Variants in BCL7C observed in about 807,000 individuals in gnomAD.
BCL7C encodes BAF chromatin remodeling complex subunit BCL7C.
Under a neutral mutation model 26.2 loss-of-function variants are expected in BCL7C, and 8 were observed. The observed-to-expected ratio is 0.30, with a 90% CI of 0.18 to 0.55. The LOEUF is 0.55. Ranked by LOEUF, BCL7C falls within the 20% of genes least tolerant of loss-of-function variation. The pLI, the probability that BCL7C is intolerant of heterozygous loss-of-function variation, is 0.93. For missense variants in BCL7C, 262 were observed against 298.5 expected, an observed-to-expected ratio of 0.88 and a Z score of 0.90; for synonymous variants, 90 against 116.5, an observed-to-expected ratio of 0.77 and a Z score of 1.47.
rs772850539 is a variant in BCL7C at position 30,835,101 on chromosome 16, C to T, written c.576G>A (p.Leu192=). The change falls in exon 6 of 6, where the codon CTG becomes CTA. Residue 192 remains leucine, a synonymous_variant. Transcript: ENST00000380317. Reference sequence around the variant, plus strand: ...GGAGCCTCCTGAGGGGCTCTGTCTTCAGCCCCTTCTCGTGAAGGGCTCTCC... The same window carrying T: ...GGAGCCTCCTGAGGGGCTCTGTCTTTAGCCCCTTCTCGTGAAGGGCTCTCC... 4.5e-6 allele frequency: 7 copies of T among 1,538,842 alleles called. No homozygotes were observed. In the African/African-American group the frequency reaches 6.9e-5, roughly 15 times the overall value.
intron 5 of BCL7C, among the ~76,000 whole-genome samples, chr16:30,855,549 T>G (rs115629220): frequency 0.02 from 2,984 of 152,210 alleles, 89 homozygotes; most frequent in African/African-American, 0.064. Context: ...GGCCCTGCCC[T>G]TCTCAAATTT....
At chr16:30,889,069 G>A in intron 4 of BCL7C, 124 bp from the exon 5 acceptor site, 1 of 891,962 alleles carries the variant, frequency 1.1e-6, no homozygotes, top group South Asian at 1.5e-5. Context: ...GAGCAGAGAG[G>A]AGAGAGCAGG....
At chr16:30,855,014 C>T (rs1170164245) in intron 5 of BCL7C, among the ~76,000 whole-genome samples, 3 of 151,978 alleles carry the variant, frequency 2.0e-5, no homozygotes, top group East Asian at 2.0e-4. Flanking sequence ...CTCACTTTTA[C>T]GTTATGTAAT....
Position 30,834,771 on chromosome 16 carries a change from G to T in BCL7C, c.*177C>A. 1.7e-6 allele frequency: 1 copy of T among 597,282 alleles called. No individual in the cohort carries two copies. 37.0% of individuals were successfully genotyped at this position (597,282 alleles called of 1,614,324 possible). A position where few individuals can be genotyped will look rare whatever the true frequency, so the allele number is the denominator to read the frequency against. Reference sequence around the variant, plus strand: ...CTTCCCATGCATTCGGGCGCCAGTGGCGAGCCAGATGGGTGCTGTGGCCTT... The same window carrying T: ...CTTCCCATGCATTCGGGCGCCAGTGTCGAGCCAGATGGGTGCTGTGGCCTT... On this transcript the variant is annotated 3_prime_UTR_variant, in exon 6 of 6. Transcript: ENST00000380317. This position sits in a 1 kb window ranked among gnomAD's most constrained non-coding sequence, Gnocchi z 4.3.
chr16:30,853,012 C>T lies in BCL7C; in HGVS notation c.529-17864G>A, dbSNP rs369094248. Among the ~76,000 whole-genome samples the T allele has an allele frequency of 4.4e-3, 667 of 151,832 alleles. 5 individuals are homozygous for T. The highest frequency in any genetic ancestry group is 0.027 in the Middle Eastern group (8 of 292). On this transcript the variant is annotated intron_variant, in intron 5 of 5. Transcript: ENST00000380317. ...TGCAAATGGCATGATCACGGCTCACCGCACCCTCCGCCTCCTGTGTTCAAG... is the reference window on the plus strand; with the variant it reads ...TGCAAATGGCATGATCACGGCTCACTGCACCCTCCGCCTCCTGTGTTCAAG...
rs776443654 is a variant in BCL7C at position 30,888,936 on chromosome 16, C to T, written c.452G>A (p.Gly151Asp). 8 of 1,613,632 alleles carry T rather than the reference C, an allele frequency of 5.0e-6. No homozygotes were observed. Among genetic ancestry groups the T allele is most frequent in the South Asian group, 1.1e-5 (1 of 91,078 alleles). The change falls in exon 5 of 6, where the codon GGC (glycine) becomes GAC (aspartate). Residue 151 changes from glycine (G) to aspartate (D), a missense_variant. Coordinates refer to ENST00000215115, the MANE Select transcript of BCL7C (RefSeq NM_004765.4). ...TTCGTCGGTGCTGCCAGCAGTTATG[C>T]CCCCGGGATCTGGAACGTCAAGGTA... ...PRLGQERDPG[G>D]ITAGSTDEPP...
At chr16:30,876,948 C>G (rs989880151) in intron 5 of BCL7C, among the ~76,000 whole-genome samples, 3 of 152,122 alleles carry the variant, frequency 2.0e-5, no homozygotes, top group African/African-American at 7.2e-5. Flanking sequence ...GGCTGGAGGG[C>G]AGGACATGAG....
Position 30,892,751 on chromosome 16 carries a change from C to G in BCL7C, c.281-4G>C. On this transcript the variant is annotated splice_polypyrimidine_tract_variant and splice_region_variant and intron_variant, in intron 3 of 5. Transcript: ENST00000215115. Reference sequence around the variant, plus strand: ...AAACTCTGGTTGCTGTTCTCATCTGCGGGAGCAAGAGCCGAGATGGTTGGC... The same window carrying G: ...AAACTCTGGTTGCTGTTCTCATCTGGGGGAGCAAGAGCCGAGATGGTTGGC... 3 of 1,614,124 alleles carry G rather than the reference C, an allele frequency of 1.9e-6. No individual in the cohort carries two copies. The highest frequency in any genetic ancestry group is 2.5e-6 in the Non-Finnish European group (3 of 1,180,014).
chr16:30,854,426 T>C (rs1334815440), intron 5 of BCL7C, among the ~76,000 whole-genome samples: 2 of 152,142 alleles, frequency 1.3e-5, no homozygotes, highest in African/African-American at 4.8e-5. Flanking sequence ...GCCCTGTGGT[T>C]CTCACTGTGC....
Position 30,834,818 on chromosome 16 carries a change from C to G in BCL7C, c.*130G>C. The G allele has an allele frequency of 5.3e-6, 5 of 941,694 alleles. No homozygotes were observed. Among genetic ancestry groups the G allele is most frequent in the Non-Finnish European group, 6.1e-6 (4 of 651,124 alleles). The allele number at this position is 941,694 out of a possible 1,614,324, so 58.3% of individuals were successfully genotyped here. On this transcript the variant is annotated 3_prime_UTR_variant, in exon 6 of 6. Transcript: ENST00000380317. The surrounding 1 kb of genome is among the most constrained non-coding windows in gnomAD (Gnocchi z 4.3). ...CCTTAGGTTCGGGCAGGTGTGGGGC[C>G]GCTCGCCCTCCGATGTTACCGCGGT...
chr16:30,880,416 C>A (rs2143085813), intron 5 of BCL7C, among the ~76,000 whole-genome samples: 1 of 151,184 alleles, frequency 6.6e-6, no homozygotes, highest in East Asian at 2.0e-4. Context: ...AAAGTCAGAA[C>A]AGGCTGGGCG....
At chr16:30,878,049 C>A (rs1428080798) in intron 5 of BCL7C, among the ~76,000 whole-genome samples, 1 of 151,938 alleles carries the variant, frequency 6.6e-6, no homozygotes, top group African/African-American at 2.4e-5. Flanking sequence ...GTGGCAGGCA[C>A]CTGTAATCCC....
In BCL7C at chr16:30,893,022, A is replaced by T. The variant is rs2055278496; in HGVS notation, c.172-74T>A. 1 of 1,440,962 alleles carries T rather than the reference A, an allele frequency of 6.9e-7. No individual in the cohort carries two copies. The highest frequency in any genetic ancestry group is 1.4e-5 in the African/African-American group (1 of 70,660). The allele number at this position is 1,440,962 out of a possible 1,614,324, so 89.3% of individuals were successfully genotyped here. ...CACCTAAGGAAACTGAGGCACTGAG[A>T]AGCAAAAGGGCTCAAACTCAGGGGG... On this transcript the variant is annotated intron_variant, in intron 2 of 5. Coordinates refer to ENST00000215115, the MANE Select transcript of BCL7C (RefSeq NM_004765.4). The surrounding 1 kb of genome is among the most constrained non-coding windows in gnomAD (Gnocchi z 5.2).
intron 5 of BCL7C, among the ~76,000 whole-genome samples, chr16:30,856,979 C>T (rs915401730): frequency 2.0e-5 from 3 of 152,184 alleles, no homozygotes; most frequent in African/African-American, 7.2e-5. Context: ...GGTATTACCA[C>T]CCCAGGCACT....
chr16:30,861,154 C>T (rs1408172889), intron 5 of BCL7C, among the ~76,000 whole-genome samples: 2 of 152,194 alleles, frequency 1.3e-5, no homozygotes, highest in South Asian at 4.2e-4. Flanking sequence ...TGGCAATAAC[C>T]CTTAGACGCT....
At chr16:30,833,755 G>A (rs1459440022) in exon 6 of BCL7C, 1 of 152,216 alleles carries the variant, frequency 6.6e-6, no homozygotes, top group African/African-American at 2.4e-5. Flanking sequence ...TCATTGGTAC[G>A]AATGTTGACT....
rs1465037147 is a variant in BCL7C, at chr16:30,893,812, G to A, written c.92+41C>T. The A allele has an allele frequency of 6.4e-7, 1 of 1,570,440 alleles. No homozygotes were observed. Among genetic ancestry groups the A allele is most frequent in the East Asian group, 2.3e-5 (1 of 44,418 alleles). On this transcript the variant is annotated intron_variant, in intron 1 of 5. Transcript: ENST00000215115. The surrounding 1 kb of genome is among the most constrained non-coding windows in gnomAD (Gnocchi z 5.2). ...AGCGTAGACGCCTTTGGTGCTGGTGGTCCCGCTGTGTCCCGTCCCTGGCCC... is the reference window on the plus strand; with the variant it reads ...AGCGTAGACGCCTTTGGTGCTGGTGATCCCGCTGTGTCCCGTCCCTGGCCC...
chr16:30,863,685 C>G (rs1440406154), intron 5 of BCL7C, among the ~76,000 whole-genome samples: 1 of 152,192 alleles, frequency 6.6e-6, no homozygotes, highest in African/African-American at 2.4e-5. Context: ...AAACTTTCAC[C>G]TATCAATCTC....
chr16:30,866,596 G>A (rs529673097), intron 5 of BCL7C, among the ~76,000 whole-genome samples: 1 of 151,122 alleles, frequency 6.6e-6, no homozygotes, highest in African/African-American at 2.4e-5. Context: ...AAAAGGTGGG[G>A]GGGTGGGAAT....
Sources: allele counts gnomAD v4.1 joint callset (sites outside exome capture counted in the v4.1 genomes callset), GRCh38; gene constraint gnomAD v4.1.1; non-coding constraint Gnocchi (gnomAD v3.1); transcripts MANE v1.5; gene names NCBI Gene and HGNC (gene_info 2026-07-23, HGNC 2026-07-21).